Variants in MAST3 observed in about 807,000 individuals in gnomAD.
MAST3 encodes the protein microtubule-associated serine/threonine-protein kinase 3.
A neutral mutation model predicts 127.0 loss-of-function variants in MAST3; 43 were observed. That is an observed-to-expected ratio of 0.34 (90% CI 0.27 to 0.44). MAST3 has a LOEUF of 0.44. Among genes scored for constraint, MAST3 ranks in the 20% least tolerant of loss-of-function variants. The pLI, the probability that MAST3 is intolerant of heterozygous loss-of-function variation, is 1.00. For missense variants in MAST3, 1,390 were observed against 1,919.1 expected (o/e 0.72, Z 5.15); for synonymous variants, 785 against 809.2 (o/e 0.97, Z 0.51).
intron 11 of MAST3, among the ~76,000 whole-genome samples, chr19:18,125,015 A>G (rs2040438657): frequency 6.6e-6 from 1 of 151,112 alleles, no homozygotes; most frequent in Admixed American, 6.6e-5. Context: ...GCTGAGGCAC[A>G]AGAATTGCTT....
In MAST3 at chr19:18,139,014, G is replaced by A. The variant is rs1364692657; in HGVS notation, c.2096-1G>A. The A allele has an allele frequency of 6.3e-7, 1 of 1,582,016 alleles. No individual in the cohort carries two copies. The highest frequency in any genetic ancestry group is 8.6e-7 in the Non-Finnish European group (1 of 1,163,390). On this transcript the variant is annotated splice_acceptor_variant, in intron 19 of 27. Coordinates refer to ENST00000687212, the MANE Select transcript of MAST3 (RefSeq NM_001393504.1). LOFTEE classifies it high-confidence loss of function. ...GCTGCATGTGCCTCTCCCTCCCACA[G>A]CACGTTCGGAACGTTACCGCCATCT...
intron 13 of MAST3, 195 bp downstream of exon 13, chr19:18,129,146 T>C (rs2040985032): frequency 1.7e-6 from 1 of 597,774 alleles, no homozygotes; most frequent in African/African-American, 1.9e-5. Flanking sequence ...ATGTGTGCTC[T>C]GTCCACGAGC....
At chr19:18,117,038 C>A (rs12459449) in intron 3 of MAST3, among the ~76,000 whole-genome samples, 16,707 of 151,310 alleles carry the variant, frequency 0.11, 1,172 homozygotes, top group East Asian at 0.16. Context: ...CCCTGACTTG[C>A]CTGGGCTGTC....
At chr19:18,108,444 G>A (rs1355952729) in intron 2 of MAST3, among the ~76,000 whole-genome samples, 3 of 151,550 alleles carry the variant, frequency 2.0e-5, no homozygotes, top group Admixed American at 6.6e-5. Flanking sequence ...TGTCATCTTG[G>A]CTCACTGCAA....
intron 1 of MAST3, among the ~76,000 whole-genome samples, chr19:18,099,225 G>A (rs1209862342): frequency 6.6e-6 from 1 of 151,520 alleles, no homozygotes; most frequent in Admixed American, 6.6e-5. Context: ...GTCAGGGAAG[G>A]CACGGGCTGA....
intron 1 of MAST3, among the ~76,000 whole-genome samples, chr19:18,101,882 CTTTTTTT>C (rs760652186): frequency 1.4e-5 from 1 of 69,344 alleles, no homozygotes; most frequent in African/African-American, 6.1e-5. Flanking sequence ...GCCTCAAACT[CTTTTTTT>C]TTTTTTTTTT....
intron 3 of MAST3, among the ~76,000 whole-genome samples, chr19:18,117,881 C>A (rs1306653524): frequency 6.6e-6 from 1 of 151,610 alleles, no homozygotes; most frequent in Non-Finnish European, 1.5e-5. Context: ...GCGGCCATGG[C>A]AGCGCCCCGC....
intron 25 of MAST3, among the ~76,000 whole-genome samples, chr19:18,146,292 A>G (rs1321878125): frequency 2.0e-5 from 3 of 152,218 alleles, no homozygotes; most frequent in African/African-American, 7.2e-5. Context: ...ATTAAAAAAT[A>G]AAATTAGCTA....
rs113975544 is a variant in MAST3, at chr19:18,149,987, T to C, written c.*261T>C. On this transcript the variant is annotated 3_prime_UTR_variant, in exon 28 of 28. Transcript: ENST00000687212. This position sits in a 1 kb window ranked among gnomAD's most constrained non-coding sequence, Gnocchi z 5.9. ...AACTAATTTATTACTTTTTTTTTCT[T>C]TTTTTTTTTTTTTTTTTGAGACAGA... is the stretch of plus-strand genomic sequence containing the variant. The C allele has an allele frequency of 1.0e-3, 59 of 58,214 alleles. No individual in the cohort carries two copies. Among genetic ancestry groups the C allele is most frequent in the African/African-American group, 8.4e-3 (54 of 6,420 alleles). 3.6% of individuals were successfully genotyped at this position (58,214 alleles called of 1,614,324 possible).
At chr19:18,101,216 C>T (rs2037579772) in intron 1 of MAST3, among the ~76,000 whole-genome samples, 1 of 152,188 alleles carries the variant, frequency 6.6e-6, no homozygotes, top group African/African-American at 2.4e-5. Context: ...CAGAGCATCC[C>T]CCGGCAGAGA....
intron 3 of MAST3, among the ~76,000 whole-genome samples, chr19:18,114,477 C>T (rs189384586): frequency 4.6e-5 from 7 of 152,308 alleles, no homozygotes; most frequent in East Asian, 1.9e-4. Context: ...GCATAAGCCA[C>T]GGCACCCAGC....
At chr19:18,098,787 C>T (rs2037266645) in intron 1 of MAST3, 1 of 456,580 alleles carries the variant, frequency 2.2e-6, no homozygotes, top group African/African-American at 2.0e-5. Flanking sequence ...CTGCTGTGTG[C>T]CTGGCTCTGG....
Position 18,124,059 on chromosome 19 carries a change from C to CGA in MAST3, c.757_758dup (p.Asp253GlufsTer18). Reference sequence around the variant, plus strand: ...CCACCACCAGATCGTCGAGCTGGCCCGAGACTGCTTGGCCAAGTCTGGCGA... The same window carrying CGA: ...CCACCACCAGATCGTCGAGCTGGCCCGAGAGACTGCTTGGCCAAGTCTGGCGA... On this transcript the variant is annotated frameshift_variant, in exon 9 of 28. Coordinates refer to ENST00000687212, the MANE Select transcript of MAST3 (RefSeq NM_001393504.1). LOFTEE classifies it high-confidence loss of function. 1 of 1,608,816 alleles carries CGA rather than the reference C, an allele frequency of 6.2e-7. No homozygotes were observed. Among genetic ancestry groups the CGA allele is most frequent in the Non-Finnish European group, 8.5e-7 (1 of 1,177,878 alleles).
chr19:18,115,377 G>A (rs903768789), intron 3 of MAST3, among the ~76,000 whole-genome samples: 2 of 152,054 alleles, frequency 1.3e-5, no homozygotes, highest in Admixed American at 6.6e-5. Context: ...GTTACTGGGT[G>A]TAGCTGTGGC....
In MAST3 at chr19:18,144,864, G is replaced by A. The variant is rs1042808861; in HGVS notation, c.2813-139G>A. ...GTTCCCAGTAGAGGGCACTGCACGT[G>A]CAAAGGCCTGGTGGGGTGACCATGC... is the stretch of plus-strand genomic sequence containing the variant. On this transcript the variant is annotated intron_variant, in intron 23 of 27. Transcript: ENST00000687212. This position sits in a 1 kb window ranked among gnomAD's most constrained non-coding sequence, Gnocchi z 4.0. 2 of 866,850 alleles carry A rather than the reference G, an allele frequency of 2.3e-6. No individual in the cohort carries two copies. The highest frequency in any genetic ancestry group is 1.7e-5 in the African/African-American group (1 of 60,290). 53.7% of individuals were successfully genotyped at this position (866,850 alleles called of 1,614,324 possible).
chr19:18,115,676 TC>T (rs1170620534), intron 3 of MAST3, among the ~76,000 whole-genome samples: 1 of 151,946 alleles, frequency 6.6e-6, no homozygotes, highest in African/African-American at 2.4e-5. Flanking sequence ...GCTTCAATAT[TC>T]CCCTCCCAGA....
intron 26 of MAST3, 58 bp from the exon 27 acceptor site, chr19:18,147,385 G>C (rs1265160482): frequency 4.0e-6 from 6 of 1,508,978 alleles, no homozygotes; most frequent in Non-Finnish European, 9.2e-7. Context: ...TTACAGGTGT[G>C]AGCCACCATG....
At chr19:18,120,111 G>A (rs140492668) in intron 3 of MAST3, among the ~76,000 whole-genome samples, 1 of 152,334 alleles carries the variant, frequency 6.6e-6, no homozygotes, top group East Asian at 1.9e-4. Flanking sequence ...AGAGACCTGG[G>A]CCAGGGATCT....
intron 20 of MAST3, 101 bp from the exon 21 acceptor site, chr19:18,141,781 C>G (rs1030878256): frequency 2.1e-5 from 21 of 1,013,618 alleles, no homozygotes; most frequent in Non-Finnish European, 2.6e-5. Context: ...GTCTCAAACT[C>G]CTGGGCTCAA....
Sources: gnomAD v4.1 joint callset for allele counts (sites outside exome capture counted in the v4.1 genomes callset) on GRCh38, gnomAD v4.1.1 for gene constraint, Gnocchi (gnomAD v3.1) non-coding constraint, MANE v1.5 for transcripts, NCBI Gene and HGNC (gene_info 2026-07-23, HGNC 2026-07-21) for gene names.